The following SLC44A1 variants were observed in gnomAD, a reference collection of about 807,000 sequenced individuals.
SLC44A1 encodes the protein choline transporter-like protein 1.
Under a neutral mutation model 79.3 loss-of-function variants are expected in SLC44A1, and 26 were observed. The observed-to-expected ratio is 0.33, with a 90% CI of 0.24 to 0.46. The LOEUF is 0.46. Ranked by LOEUF, SLC44A1 falls within the 20% of genes least tolerant of loss-of-function variation. The pLI is 1.00. For missense variants in SLC44A1, 688 were observed against 798.1 expected, an observed-to-expected ratio of 0.86 and a Z score of 1.66; for synonymous variants, 263 against 286.2, an observed-to-expected ratio of 0.92 and a Z score of 0.82.
Position 105,394,307 on chromosome 9 carries a change from T to C in SLC44A1, c.*5251T>C. ...TATAACTTAAAGACTTTATGTAATT[T>C]AGTAGCAGGTTAGGGAATAGAAACC... is the stretch of plus-strand genomic sequence containing the variant. On this transcript the variant is annotated 3_prime_UTR_variant, in exon 16 of 16. Coordinates refer to ENST00000374720, the MANE Select transcript of SLC44A1 (RefSeq NM_080546.5). 2.0e-6 allele frequency: 2 copies of C among 985,100 alleles called. No homozygotes were observed. Among genetic ancestry groups the C allele is most frequent in the African/African-American group, 1.8e-5 (1 of 57,084 alleles). 61.0% of individuals were successfully genotyped at this position (985,100 alleles called of 1,614,324 possible).
chr9:105,432,949 A>T (rs991102816), intron 15 of SLC44A1, among the ~76,000 whole-genome samples: 1 of 152,210 alleles, frequency 6.6e-6, no homozygotes, highest in Non-Finnish European at 1.5e-5. Context: ...CTAAAAAAGG[A>T]TATTTGCAAA....
At chr9:105,303,858 C>G (rs1318081555) in intron 2 of SLC44A1, among the ~76,000 whole-genome samples, 3 of 152,178 alleles carry the variant, frequency 2.0e-5, no homozygotes, top group Non-Finnish European at 4.4e-5. Context: ...CTTGGCATCA[C>G]CTCTTCCTTT....
At chr9:105,384,337 C>T (rs530354293) in intron 14 of SLC44A1, among the ~76,000 whole-genome samples, 209 of 152,196 alleles carry the variant, frequency 1.4e-3, no homozygotes, top group African/African-American at 4.8e-3. Context: ...TGTGCCACCA[C>T]TCCTGGCTAA....
intron 1 of SLC44A1, among the ~76,000 whole-genome samples, chr9:105,289,229 C>T (rs193009): frequency 0.14 from 21,262 of 152,120 alleles, 1,976 homozygotes; most frequent in African/African-American, 0.26. Context: ...ACTGCGGTAA[C>T]TATTGGGGAC....
chr9:105,357,281 G>A (rs1018239594), intron 6 of SLC44A1: 1 of 152,118 alleles, frequency 6.6e-6, no homozygotes, highest in Non-Finnish European at 1.5e-5. Flanking sequence ...ATGTTACCTA[G>A]ACACAAATCC....
chr9:105,424,895 C>T (rs927427700), intron 15 of SLC44A1, among the ~76,000 whole-genome samples: 7 of 148,102 alleles, frequency 4.7e-5, no homozygotes, highest in Admixed American at 2.0e-4. Context: ...TGCAGTGAGC[C>T]GAGGTCAGAC....
intron 3 of SLC44A1, among the ~76,000 whole-genome samples, chr9:105,326,527 C>T (rs181400379): frequency 3.9e-5 from 6 of 152,304 alleles, no homozygotes; most frequent in East Asian, 1.9e-4. Flanking sequence ...AGTCTTCCCC[C>T]GTGCTTTTCC....
chr9:105,366,373 A>G lies in SLC44A1; in HGVS notation c.1438A>G (p.Lys480Glu), dbSNP rs759876845. 9 of 1,530,218 alleles carry G rather than the reference A, an allele frequency of 5.9e-6. No individual in the cohort carries two copies. The Admixed American group carries it at 1.0e-4, about 17-fold the overall frequency. The allele number at this position is 1,530,218 out of a possible 1,614,324, so 94.8% of individuals were successfully genotyped here. ...KENACARCVL[K>E]SCICCLWCLE... is the part of the protein sequence containing the mutation. ...AAATGCTTGTGCACGATGTGTGCTG[A>G]AATCTTGCATTTGTTGCCTTTGGTG... Residue 480 changes from lysine (K) to glutamate (E), a missense_variant, in exon 12 of 16, where the codon AAA becomes GAA. By Grantham distance (56) the Lys-to-Glu change is moderately conservative. Coordinates refer to ENST00000374720, the MANE Select transcript of SLC44A1 (RefSeq NM_080546.5).
intron 15 of SLC44A1, among the ~76,000 whole-genome samples, chr9:105,403,814 G>C (rs1272292557): frequency 6.6e-6 from 1 of 151,170 alleles, no homozygotes; most frequent in Non-Finnish European, 1.5e-5. Context: ...TGATGTGTCT[G>C]TGAATCTGTA....
chr9:105,375,112 G>A (rs1828236994), intron 13 of SLC44A1, among the ~76,000 whole-genome samples: 1 of 152,224 alleles, frequency 6.6e-6, no homozygotes, highest in African/African-American at 2.4e-5. Context: ...TGCTATCTCA[G>A]CTCACTGCAA....
In SLC44A1 at chr9:105,394,049, CTT is replaced by C. The variant is rs1828822857; in HGVS notation, c.*4995_*4996del. Reference sequence around the variant, plus strand: ...TGAGCTTAAGAAAGCTATGGACTATCTTTCCTTCAAATGCACATCACATGTCT... The same window carrying C: ...TGAGCTTAAGAAAGCTATGGACTATCTCCTTCAAATGCACATCACATGTCT... On this transcript the variant is annotated 3_prime_UTR_variant, in exon 16 of 16. Transcript: ENST00000374720. 1 of 985,142 alleles carries C rather than the reference CTT, an allele frequency of 1.0e-6. No homozygotes were observed. Among genetic ancestry groups the C allele is most frequent in the Admixed American group, 6.2e-5 (1 of 16,258 alleles). 61.0% of individuals were successfully genotyped at this position (985,142 alleles called of 1,614,324 possible).
At chr9:105,373,530 A>C (rs149070875) in intron 12 of SLC44A1, among the ~76,000 whole-genome samples, 2 of 152,206 alleles carry the variant, frequency 1.3e-5, no homozygotes, top group Non-Finnish European at 2.9e-5. Context: ...AAGGAACAGA[A>C]GGCTCAGCTC....
chr9:105,424,684 C>T (rs751286325), intron 15 of SLC44A1, among the ~76,000 whole-genome samples: 25 of 152,134 alleles, frequency 1.6e-4, no homozygotes, highest in African/African-American at 3.6e-4. Flanking sequence ...CAGTGTCTCA[C>T]GCCTGTAATC....
intron 12 of SLC44A1, among the ~76,000 whole-genome samples, chr9:105,371,601 C>G (rs1034250718): frequency 1.3e-5 from 2 of 151,820 alleles, no homozygotes; most frequent in African/African-American, 4.8e-5. Flanking sequence ...TGCCTGTAGT[C>G]CCAGCTACTC....
At chr9:105,355,440 T>C (rs985195047) in intron 5 of SLC44A1, among the ~76,000 whole-genome samples, 1 of 152,322 alleles carries the variant, frequency 6.6e-6, no homozygotes, top group Non-Finnish European at 1.5e-5. Flanking sequence ...AAAAAGAAAA[T>C]AGCCCAGAAT....
Position 105,389,113 on chromosome 9 carries a change from C to T in SLC44A1, c.*57C>T. ...ATTCCAAAACAATATATACACATAACTATGTATTTGTGTGTGTGGGTGTGT... is the reference window on the plus strand; with the variant it reads ...ATTCCAAAACAATATATACACATAATTATGTATTTGTGTGTGTGGGTGTGT... On this transcript the variant is annotated 3_prime_UTR_variant, in exon 16 of 16. Transcript: ENST00000374720. 6.3e-7 allele frequency: 1 copy of T among 1,595,520 alleles called. No individual in the cohort carries two copies. The highest frequency in any genetic ancestry group is 8.6e-7 in the Non-Finnish European group (1 of 1,164,568).
intron 1 of SLC44A1, among the ~76,000 whole-genome samples, chr9:105,247,143 A>ATTTGGC: frequency 6.6e-6 from 1 of 151,564 alleles, no homozygotes; most frequent in Non-Finnish European, 1.5e-5. Flanking sequence ...TCATTTGTGA[A>ATTTGGC]ATGTTACTAA....
At position 105,393,770 on chromosome 9, in the gene SLC44A1, CAT is replaced by C. The variant is rs747345039; in HGVS notation, c.*4715_*4716del. Reference sequence around the variant, plus strand: ...AATTCGTTAGTAAATTTGTGAAAAACATGTGAGATTGTTCGAGACCTATTAGG... The same window carrying C: ...AATTCGTTAGTAAATTTGTGAAAAACGTGAGATTGTTCGAGACCTATTAGG... On this transcript the variant is annotated 3_prime_UTR_variant, in exon 16 of 16. Transcript: ENST00000374720. 4.8e-4 allele frequency: 470 copies of C among 985,282 alleles called. No homozygotes were observed. Among genetic ancestry groups the C allele is most frequent in the Non-Finnish European group, 5.3e-4 (441 of 829,842 alleles). 61.0% of individuals were successfully genotyped at this position (985,282 alleles called of 1,614,324 possible). A position where few individuals can be genotyped will look rare whatever the true frequency, so the allele number is the denominator to read the frequency against.
intron 1 of SLC44A1, among the ~76,000 whole-genome samples, chr9:105,272,845 C>T (rs1378383587): frequency 6.6e-6 from 1 of 151,924 alleles, no homozygotes; most frequent in Admixed American, 6.6e-5. Context: ...AAATTCAAAG[C>T]CTCTGGCCTT....
Sources: allele counts gnomAD v4.1 joint callset (sites outside exome capture counted in the v4.1 genomes callset), GRCh38; gene constraint gnomAD v4.1.1; transcripts MANE v1.5; gene names NCBI Gene and HGNC (gene_info 2026-07-23, HGNC 2026-07-21).